The following NUFIP1 variants were observed in gnomAD, a reference collection of about 807,000 sequenced individuals.
NUFIP1 encodes the protein FMR1-interacting protein NUFIP1.
In NUFIP1, 38 loss-of-function variants were observed where a neutral mutation model predicts 56.2. The observed-to-expected ratio is 0.68, with a 90% CI of 0.52 to 0.89. The LOEUF (loss-of-function observed/expected upper bound fraction) is 0.89. Ranked by LOEUF, NUFIP1 falls within the 40% of genes least tolerant of loss-of-function variation. The pLI is 0.00. For missense variants in NUFIP1, 567 were observed against 605.8 expected, an observed-to-expected ratio of 0.94 and a Z score of 0.67; for synonymous variants, 215 against 212.4, an observed-to-expected ratio of 1.01 and a Z score of -0.10.
At chr13:44,953,217 G>A (rs2137897591) in intron 7 of NUFIP1, among the ~76,000 whole-genome samples, 1 of 152,168 alleles carries the variant, frequency 6.6e-6, no homozygotes, top group Non-Finnish European at 1.5e-5. Flanking sequence ...CTCAAGTAAG[G>A]AATATCAAAG....
At chr13:44,953,255 T>A (rs1039925542) in intron 7 of NUFIP1, among the ~76,000 whole-genome samples, 10 of 152,166 alleles carry the variant, frequency 6.6e-5, no homozygotes, top group Non-Finnish European at 1.5e-4. Context: ...AAAACCATGG[T>A]AATTAATAAT....
intron 8 of NUFIP1, among the ~76,000 whole-genome samples, chr13:44,943,916 A>G (rs1322199720): frequency 1.3e-5 from 2 of 152,228 alleles, no homozygotes; most frequent in Admixed American, 6.5e-5. Flanking sequence ...AGTGATCTCT[A>G]TGAAAGAAAT....
At chr13:44,974,922 G>C (rs1028317854) in intron 5 of NUFIP1, among the ~76,000 whole-genome samples, 2 of 152,238 alleles carry the variant, frequency 1.3e-5, no homozygotes, top group African/African-American at 2.4e-5. Context: ...GCTCAAAGGA[G>C]AAAGGCCAAG....
Position 44,959,607 on chromosome 13 carries a change from A to C in NUFIP1, c.828-33T>G, listed in dbSNP as rs754560895. 9 of 1,571,914 alleles carry C rather than the reference A, an allele frequency of 5.7e-6. No individual in the cohort carries two copies. In the Admixed American group the frequency reaches 1.6e-4, roughly 27 times the overall value. ...AAGAAAATTGCAATTTTTAATATAA[A>C]AGGCACTGACCTTCCAAGAAAATTT... On this transcript the variant is annotated intron_variant, in intron 6 of 9. Transcript: ENST00000379161.
Position 44,989,233 on chromosome 13 carries a change from G to T in NUFIP1, c.204C>A (p.Pro68=). Residue 68 remains proline, a synonymous_variant, in exon 1 of 10, where the codon CCC becomes CCA. Transcript: ENST00000379161. ...CCCCGGGGAGAGACTGGGCCTCCATGGGGGGCTGCGACTCAGAGGAAGGCT... is the reference window on the plus strand; with the variant it reads ...CCCCGGGGAGAGACTGGGCCTCCATTGGGGGCTGCGACTCAGAGGAAGGCT... ...GSKPSSESQP[P]MEAQSLPGAP... 8.1e-6 allele frequency: 13 copies of T among 1,612,476 alleles called. No homozygotes were observed. The highest frequency in any genetic ancestry group is 1.0e-5 in the Non-Finnish European group (12 of 1,179,246).
chr13:44,979,310 T>C lies in NUFIP1; in HGVS notation c.658-44A>G, dbSNP rs765783960. On this transcript the variant is annotated intron_variant, in intron 4 of 9. Coordinates refer to ENST00000379161, the MANE Select transcript of NUFIP1 (RefSeq NM_012345.3). ...CTGAACATCAGGAGGCAATATCATA[T>C]GCTTTTGACTAACTTGGAGACTTTG... 4 of 1,488,280 alleles carry C rather than the reference T, an allele frequency of 2.7e-6. No individual in the cohort carries two copies. The East Asian group carries it at 9.1e-5, about 34-fold the overall frequency. The allele number at this position is 1,488,280 out of a possible 1,614,324, so 92.2% of individuals were successfully genotyped here.
chr13:44,957,583 C>T (rs1475575866), intron 7 of NUFIP1, among the ~76,000 whole-genome samples: 1 of 152,142 alleles, frequency 6.6e-6, no homozygotes, highest in African/African-American at 2.4e-5. Flanking sequence ...AGAGGATTTA[C>T]CACTGTTTCT....
At chr13:44,987,757 T>C (rs1167076998) in intron 1 of NUFIP1, among the ~76,000 whole-genome samples, 1 of 152,194 alleles carries the variant, frequency 6.6e-6, no homozygotes, top group Non-Finnish European at 1.5e-5. Context: ...AATAGCTTCC[T>C]AACCGGTTTC....
rs745538905 is a variant in NUFIP1 at position 44,989,030 on chromosome 13, G to A, written c.407C>T (p.Pro136Leu). The change falls in exon 1 of 10, where the codon CCT (proline) becomes CTT (leucine). Residue 136 changes from proline (P) to leucine (L), a missense_variant. By Grantham distance (98) the Pro-to-Leu change is moderately conservative. Coordinates refer to ENST00000379161, the MANE Select transcript of NUFIP1 (RefSeq NM_012345.3). ...CACGTGGAAAAATAGCCTACCTGCA[G>A]GGTTGAAGGACTTCTGATGCCGAGG... Reference protein sequence around the residue: ...RFPRHQKSFNPAVKNSYYPRK... With the variant: ...RFPRHQKSFNLAVKNSYYPRK... 1 of 1,613,726 alleles carries A rather than the reference G, an allele frequency of 6.2e-7. No homozygotes were observed. The highest frequency in any genetic ancestry group is 1.3e-5 in the African/African-American group (1 of 74,918).
chr13:44,953,209 CAAGT>C (rs1396681566), intron 7 of NUFIP1, among the ~76,000 whole-genome samples: 1 of 152,044 alleles, frequency 6.6e-6, no homozygotes, highest in Non-Finnish European at 1.5e-5. Context: ...AGCTTCAACT[CAAGT>C]AAGGAATATC....
At chr13:44,961,131 C>A (rs556656600) in intron 6 of NUFIP1, among the ~76,000 whole-genome samples, 1 of 149,840 alleles carries the variant, frequency 6.7e-6, no homozygotes, top group Non-Finnish European at 1.5e-5. Flanking sequence ...TGTGCGGGGG[C>A]GGGGAAGACA....
At chr13:44,950,343 A>C (rs1221018621) in intron 7 of NUFIP1, among the ~76,000 whole-genome samples, 1 of 152,196 alleles carries the variant, frequency 6.6e-6, no homozygotes, top group Non-Finnish European at 1.5e-5. Context: ...TGCTGGAATT[A>C]ATCCACCCAA....
intron 7 of NUFIP1, among the ~76,000 whole-genome samples, chr13:44,956,676 C>T (rs1357926261): frequency 6.6e-6 from 1 of 152,140 alleles, no homozygotes; most frequent in African/African-American, 2.4e-5. Flanking sequence ...AGGGTTCACG[C>T]TCCTATGAGA....
At chr13:44,949,437 G>A (rs371221410) in intron 8 of NUFIP1, among the ~76,000 whole-genome samples, 3 of 151,760 alleles carry the variant, frequency 2.0e-5, no homozygotes, top group African/African-American at 7.3e-5. Context: ...TCCTGACCTC[G>A]TGATCCGCCC....
chr13:44,978,594 G>T (rs1872070301), intron 5 of NUFIP1, among the ~76,000 whole-genome samples: 1 of 152,150 alleles, frequency 6.6e-6, no homozygotes, highest in Non-Finnish European at 1.5e-5. Context: ...AAAACCACAG[G>T]TTACATGGTG....
At position 44,982,009 on chromosome 13, in the gene NUFIP1, T is replaced by G. The variant is rs140162630; in HGVS notation, c.495+63A>C. 4.4e-5 allele frequency: 36 copies of G among 821,154 alleles called. No individual in the cohort carries two copies. The African/African-American group carries it at 4.8e-4, about 11-fold the overall frequency. 50.9% of individuals were successfully genotyped at this position (821,154 alleles called of 1,614,324 possible). A position where few individuals can be genotyped will look rare whatever the true frequency, so the allele number is the denominator to read the frequency against. The stretch of plus-strand genomic sequence containing the variant: ...ACACTGAAGACAGTTATGACAGAAA[T>G]GCAAGATATGAAACAGTAACATAGG... On this transcript the variant is annotated intron_variant, in intron 2 of 9. Coordinates refer to ENST00000379161, the MANE Select transcript of NUFIP1 (RefSeq NM_012345.3).
At chr13:44,950,642 C>T (rs1242272001) in intron 7 of NUFIP1, among the ~76,000 whole-genome samples, 1 of 152,174 alleles carries the variant, frequency 6.6e-6, no homozygotes, top group African/African-American at 2.4e-5. Context: ...GCCACTGTGA[C>T]CAGCCCACTC....
chr13:44,941,777 T>A (rs1260767372), intron 9 of NUFIP1, among the ~76,000 whole-genome samples: 1 of 152,166 alleles, frequency 6.6e-6, no homozygotes, highest in African/African-American at 2.4e-5. Context: ...CATCCCAAAG[T>A]GCTGGGATTA....
chr13:44,958,185 C>T (rs1331983230), intron 7 of NUFIP1, among the ~76,000 whole-genome samples: 2 of 152,094 alleles, frequency 1.3e-5, no homozygotes, highest in African/African-American at 4.8e-5. Flanking sequence ...TGGAGTGAGA[C>T]TCATATGTTC....
Sources: allele counts gnomAD v4.1 joint callset (sites outside exome capture counted in the v4.1 genomes callset), GRCh38; gene constraint gnomAD v4.1.1; transcripts MANE v1.5; gene names NCBI Gene and HGNC (gene_info 2026-07-23, HGNC 2026-07-21).